The following MFSD1 variants were observed in gnomAD, a reference collection of about 807,000 sequenced individuals.
The protein encoded by MFSD1 is major facilitator superfamily domain containing 1.
In MFSD1, 59 loss-of-function variants were observed where a neutral mutation model predicts 67.1. The ratio of observed to expected loss-of-function variants is 0.88; its 90% CI spans 0.71 to 1.09. The LOEUF (loss-of-function observed/expected upper bound fraction) is 1.09. MFSD1 is among the 50% of genes least tolerant of loss of function. The pLI is 0.00. For synonymous variants in MFSD1, 213 were observed against 200.3 expected (o/e 1.06, Z -0.54); for missense variants, 552 against 566.1 (o/e 0.97, Z 0.25).
chr3:158,804,759 A>G (rs1469253244), intron 2 of MFSD1, among the ~76,000 whole-genome samples: 1 of 152,162 alleles, frequency 6.6e-6, no homozygotes, highest in Non-Finnish European at 1.5e-5. Context: ...TGTTTTTTAA[A>G]TGTGGATACT....
intron 7 of MFSD1, among the ~76,000 whole-genome samples, chr3:158,815,899 C>T (rs1006082096): frequency 1.1e-4 from 16 of 150,802 alleles, no homozygotes; most frequent in African/African-American, 2.9e-4. Context: ...TGAGAACATG[C>T]GGTGTTTGGT....
intron 7 of MFSD1, among the ~76,000 whole-genome samples, chr3:158,816,825 G>A (rs1730376922): frequency 6.9e-6 from 1 of 145,528 alleles, no homozygotes; most frequent in South Asian, 2.2e-4. Flanking sequence ...ATTAATTTTT[G>A]TATCAGGGGT....
At chr3:158,807,973 G>C (rs1729811223) in intron 5 of MFSD1, among the ~76,000 whole-genome samples, 1 of 152,228 alleles carries the variant, frequency 6.6e-6, no homozygotes, top group African/African-American at 2.4e-5. Context: ...TCTGAGACCA[G>C]CCTTGGGCTT....
chr3:158,803,504 C>T (rs1300876515), intron 1 of MFSD1, among the ~76,000 whole-genome samples: 1 of 151,974 alleles, frequency 6.6e-6, no homozygotes, highest in East Asian at 1.9e-4. Context: ...AAAAAATGGT[C>T]CCCACTCAAG....
At chr3:158,810,720 T>C (rs556056393) in intron 6 of MFSD1, among the ~76,000 whole-genome samples, 1 of 152,210 alleles carries the variant, frequency 6.6e-6, no homozygotes, top group East Asian at 1.9e-4. Flanking sequence ...CTGTGGGATA[T>C]GAGAGGATCC....
intron 7 of MFSD1, among the ~76,000 whole-genome samples, chr3:158,817,325 A>G (rs1415949438): frequency 2.0e-5 from 3 of 151,784 alleles, no homozygotes; most frequent in Admixed American, 6.6e-5. Flanking sequence ...GTTTGCAGAC[A>G]ACATGATTGT....
intron 6 of MFSD1, among the ~76,000 whole-genome samples, chr3:158,812,625 G>A (rs1277171507): frequency 2.0e-5 from 3 of 152,148 alleles, no homozygotes; most frequent in Non-Finnish European, 4.4e-5. Flanking sequence ...CTGGATTATT[G>A]CTATAGCTCC....
Position 158,807,392 on chromosome 3 carries a change from A to G in MFSD1, c.373-4A>G. The G allele has an allele frequency of 1.9e-6, 3 of 1,610,370 alleles. No homozygotes were observed. Among genetic ancestry groups the G allele is most frequent in the Non-Finnish European group, 2.5e-6 (3 of 1,177,160 alleles). ...TTAATTTGACATGAACTTCTACATT[A>G]TAGGTTGTTTTTGCCCTGGGTGGAA... On this transcript the variant is annotated splice_region_variant and splice_polypyrimidine_tract_variant and intron_variant, in intron 4 of 15. Transcript: ENST00000415822.
chr3:158,809,221 T>A lies in MFSD1; in HGVS notation c.483T>A (p.Ala161=). 5 of 1,610,118 alleles carry A rather than the reference T, an allele frequency of 3.1e-6. No individual in the cohort carries two copies. The highest frequency in any genetic ancestry group is 4.2e-6 in the Non-Finnish European group (5 of 1,178,652). ...ESLAVAQNTY[A]VSWFKGKELN... Reference sequence around the variant, plus strand: ...TAGCAGTTGCCCAGAATACATATGCTGTGAGCTGGTTTAAAGGCAAAGAAT... The same window carrying A: ...TAGCAGTTGCCCAGAATACATATGCAGTGAGCTGGTTTAAAGGCAAAGAAT... The change falls in exon 6 of 16, where the codon GCT becomes GCA. Residue 161 remains alanine (A), a synonymous_variant. Transcript: ENST00000415822.
rs965934332 is a variant in MFSD1 at position 158,807,092 on chromosome 3, G to A, written c.372+10G>A. On this transcript the variant is annotated intron_variant, in intron 4 of 15. Coordinates refer to ENST00000415822, the MANE Select transcript of MFSD1 (RefSeq NM_022736.4). Reference sequence around the variant, plus strand: ...TGTTTGCATTGGACAGGTAAGGAAGGCCAAAACATTCATTGATTATTGACA... The same window carrying A: ...TGTTTGCATTGGACAGGTAAGGAAGACCAAAACATTCATTGATTATTGACA... 2 of 1,607,628 alleles carry A rather than the reference G, an allele frequency of 1.2e-6. No homozygotes were observed. Among genetic ancestry groups the A allele is most frequent in the East Asian group, 2.2e-5 (1 of 44,720 alleles).
At chr3:158,827,855 A>T (rs2108240646) in intron 15 of MFSD1, among the ~76,000 whole-genome samples, 1 of 151,830 alleles carries the variant, frequency 6.6e-6, no homozygotes, top group South Asian at 2.1e-4. Context: ...GAAGAAAAAA[A>T]ATAATTCAAT....
intron 7 of MFSD1, among the ~76,000 whole-genome samples, chr3:158,816,932 C>T (rs7622103): frequency 2.0e-5 from 3 of 150,140 alleles, no homozygotes; most frequent in African/African-American, 4.9e-5. Flanking sequence ...GCTTGTTTTT[C>T]TCAGGTTTGT....
At chr3:158,807,841 C>T (rs1477619196) in intron 5 of MFSD1, among the ~76,000 whole-genome samples, 2 of 152,182 alleles carry the variant, frequency 1.3e-5, no homozygotes, top group Non-Finnish European at 2.9e-5. Flanking sequence ...TGCGAGGGTC[C>T]TTTCAACCCT....
chr3:158,814,488 T>G (rs930411777), intron 7 of MFSD1, among the ~76,000 whole-genome samples: 2 of 151,860 alleles, frequency 1.3e-5, no homozygotes, highest in Non-Finnish European at 2.9e-5. Context: ...GCCTGGCTAA[T>G]TTTTGTATTT....
intron 7 of MFSD1, among the ~76,000 whole-genome samples, chr3:158,814,993 A>C (rs1730247342): frequency 6.6e-6 from 1 of 152,142 alleles, no homozygotes; most frequent in Non-Finnish European, 1.5e-5. Context: ...GAGGCAGGAG[A>C]ATCCCTTGAA....
chr3:158,816,005 C>T (rs1188012229), intron 7 of MFSD1, among the ~76,000 whole-genome samples: 4 of 151,860 alleles, frequency 2.6e-5, no homozygotes, highest in South Asian at 2.1e-4. Context: ...ATGGCTGCAT[C>T]GTATTCCATG....
At chr3:158,810,381 C>T (rs1010782149) in intron 6 of MFSD1, among the ~76,000 whole-genome samples, 15 of 152,030 alleles carry the variant, frequency 9.9e-5, no homozygotes, top group African/African-American at 2.7e-4. Flanking sequence ...GCTGCCAAGG[C>T]GAGCAGAAGC....
At position 158,820,322 on chromosome 3, in the gene MFSD1, G is replaced by A; in HGVS notation, c.859G>A (p.Gly287Arg). The A allele has an allele frequency of 1.3e-6, 2 of 1,583,982 alleles. No homozygotes were observed. Among genetic ancestry groups the A allele is most frequent in the East Asian group, 2.2e-5 (1 of 44,606 alleles). Residue 287 changes from glycine (G) to arginine (R), a missense_variant, in exon 9 of 16, where the codon GGG (glycine) becomes AGG (arginine). Gly to Arg is a moderately radical substitution (Grantham distance 125). Coordinates refer to ENST00000415822, the MANE Select transcript of MFSD1 (RefSeq NM_022736.4). ...YVAVFPFIGL[G>R]KVFFTEKFGF... is the part of the protein sequence containing the mutation. ...TGCTGTGTTCCCTTTTATTGGACTT[G>A]GGAAGTGAGTATTCTCTATGTTTCC... is the stretch of plus-strand genomic sequence containing the variant.
intron 7 of MFSD1, among the ~76,000 whole-genome samples, chr3:158,817,331 A>T (rs1405277804): frequency 3.9e-5 from 6 of 152,136 alleles, no homozygotes; most frequent in African/African-American, 1.2e-4. Context: ...AGACAACATG[A>T]TTGTATATCT....
Sources: allele counts gnomAD v4.1 joint callset (sites outside exome capture counted in the v4.1 genomes callset), GRCh38; gene constraint gnomAD v4.1.1; transcripts MANE v1.5; gene names NCBI Gene and HGNC (gene_info 2026-07-23, HGNC 2026-07-21).